Variants in FHIT observed in about 807,000 individuals in gnomAD.
The protein encoded by FHIT is fragile histidine triad diadenosine triphosphatase.
FHIT carries 19 observed loss-of-function variants against 17.9 expected under a neutral mutation model. That is an observed-to-expected ratio of 1.06 (90% CI 0.74 to 1.56). The LOEUF is 1.56. Ranked by LOEUF, FHIT falls within the 40% of genes most tolerant of loss-of-function variation. FHIT has a pLI of 0.00. For missense variants in FHIT, 248 were observed against 189.2 expected, an observed-to-expected ratio of 1.31 and a Z score of -1.82; for synonymous variants, 81 against 69.7, an observed-to-expected ratio of 1.16 and a Z score of -0.81.
At chr3:60,126,654 A>G (rs766358635) in intron 5 of FHIT, among the ~76,000 whole-genome samples, 39 of 152,210 alleles carry the variant, frequency 2.6e-4, no homozygotes, top group Admixed American at 9.8e-4. Flanking sequence ...CAGAACTCAG[A>G]TTCAAGCCAG....
At chr3:59,856,715 C>T (rs1342947453) in intron 8 of FHIT, among the ~76,000 whole-genome samples, 2 of 151,974 alleles carry the variant, frequency 1.3e-5, no homozygotes, top group Admixed American at 6.5e-5. Context: ...GACTCAGTTT[C>T]CTTCTTTGCA....
At chr3:60,883,134 T>A (rs1705050377) in intron 3 of FHIT, among the ~76,000 whole-genome samples, 1 of 151,866 alleles carries the variant, frequency 6.6e-6, no homozygotes, top group Non-Finnish European at 1.5e-5. Context: ...AAAGAAAATA[T>A]AAAATACCTA....
At chr3:60,076,579 C>T (rs553391433) in intron 5 of FHIT, among the ~76,000 whole-genome samples, 9 of 151,850 alleles carry the variant, frequency 5.9e-5, no homozygotes, top group Non-Finnish European at 1.2e-4. Context: ...CAAATGAGAT[C>T]AGAGGCATAC....
chr3:59,784,439 C>A (rs1444808608), intron 8 of FHIT, among the ~76,000 whole-genome samples: 3 of 152,196 alleles, frequency 2.0e-5, no homozygotes, highest in Non-Finnish European at 4.4e-5. Flanking sequence ...GATAAAATCC[C>A]AACTCCTTAA....
intron 8 of FHIT, among the ~76,000 whole-genome samples, 184 bp downstream of exon 8, chr3:59,922,162 A>T (rs1003987077): frequency 6.6e-6 from 1 of 152,160 alleles, no homozygotes; most frequent in Non-Finnish European, 1.5e-5. Flanking sequence ...CATTATAATT[A>T]ATTAGTCATG....
intron 7 of FHIT, among the ~76,000 whole-genome samples, chr3:59,989,843 C>T (rs2107468650): frequency 6.6e-6 from 1 of 152,152 alleles, no homozygotes; most frequent in African/African-American, 2.4e-5. Flanking sequence ...CTCCTCTCCA[C>T]AAATATCGGA....
intron 4 of FHIT, among the ~76,000 whole-genome samples, chr3:60,770,491 C>A (rs1553722782): frequency 6.6e-6 from 1 of 152,072 alleles, no homozygotes; most frequent in Non-Finnish European, 1.5e-5. Flanking sequence ...TCAGGCCACA[C>A]AAGACTTCAC....
chr3:60,717,558 G>T (rs2041713750), intron 4 of FHIT, among the ~76,000 whole-genome samples: 1 of 152,136 alleles, frequency 6.6e-6, no homozygotes, highest in Non-Finnish European at 1.5e-5. Context: ...AGCAGCGCAG[G>T]TTGTACACTG....
Position 60,391,199 on chromosome 3 carries a change from A to G in FHIT, c.103+145661T>C, listed in dbSNP as rs1045181706. 1.6e-4 allele frequency among the ~76,000 whole-genome samples: 5 copies of G among 30,852 alleles called. No homozygotes were observed. In the Admixed American group the frequency reaches 1.6e-3, roughly 10 times the overall value. The allele number at this position is 30,852 out of a possible 152,430, so 20.2% of individuals were successfully genotyped here. Reference sequence around the variant, plus strand: ...TGAGACCGTCTGACAAAACAAAACAAAAAACAAACAAACAAACAAACAAAA... The same window carrying G: ...TGAGACCGTCTGACAAAACAAAACAGAAAACAAACAAACAAACAAACAAAA... On this transcript the variant is annotated intron_variant, in intron 5 of 9. Transcript: ENST00000492590.
intron 8 of FHIT, among the ~76,000 whole-genome samples, chr3:59,919,968 A>C (rs1449758905): frequency 6.6e-6 from 1 of 152,218 alleles, no homozygotes; most frequent in African/African-American, 2.4e-5. Flanking sequence ...AAACATTTCC[A>C]TACAAAGAGG....
rs932515454 is a variant in FHIT, at chr3:60,379,875, C to T, written c.103+156985G>A. ...GTTGAAGAAAAAACAAAACACCTAC[C>T]TAAATATTCTTTGACCAGTAGTATC... On this transcript the variant is annotated intron_variant, in intron 5 of 9. Transcript: ENST00000492590. 2.0e-4 allele frequency among the ~76,000 whole-genome samples: 30 copies of T among 152,140 alleles called. 1 individual carries two copies. The highest frequency in any genetic ancestry group is 1.5e-5 in the Non-Finnish European group (1 of 68,038).
At chr3:60,782,237 G>GTGTGTGTATATATATATATA (rs1553725880) in intron 4 of FHIT, among the ~76,000 whole-genome samples, 20 of 95,532 alleles carry the variant, frequency 2.1e-4, no homozygotes, top group African/African-American at 6.7e-4. Flanking sequence ...GTGTGTGTGT[G>GTGTGTGTATATATATATATA]TATATATATA....
At chr3:59,986,530 T>TTTATATAAATATATAA (rs1559523567) in intron 7 of FHIT, among the ~76,000 whole-genome samples, 5 of 4,450 alleles carry the variant, frequency 1.1e-3, no homozygotes, top group African/African-American at 3.1e-3. Flanking sequence ...TATATATATA[T>TTTATATAAATATATAA]ATATATATAT....
intron 3 of FHIT, among the ~76,000 whole-genome samples, chr3:60,981,318 T>C (rs1710483593): frequency 6.7e-6 from 1 of 149,030 alleles, no homozygotes; most frequent in Admixed American, 6.7e-5. Context: ...TTTTCTTTTT[T>C]TTTTTTGACA....
chr3:59,889,000 A>G (rs1055922601), intron 8 of FHIT, among the ~76,000 whole-genome samples: 1 of 152,158 alleles, frequency 6.6e-6, no homozygotes, highest in Non-Finnish European at 1.5e-5. Flanking sequence ...TGATAACAAC[A>G]TCAATTCATT....
At chr3:59,898,969 T>C (rs908944958) in intron 8 of FHIT, among the ~76,000 whole-genome samples, 1 of 152,130 alleles carries the variant, frequency 6.6e-6, no homozygotes, top group Non-Finnish European at 1.5e-5. Flanking sequence ...GATAGTGAGA[T>C]GCTAAGGGGC....
chr3:60,226,646 G>A (rs1704220020), intron 5 of FHIT, among the ~76,000 whole-genome samples: 1 of 152,096 alleles, frequency 6.6e-6, no homozygotes, highest in Non-Finnish European at 1.5e-5. Context: ...AGCATGGAGG[G>A]AAAACAACAG....
chr3:61,238,717 TTTTAA>T (rs1469302688), intron 1 of FHIT, among the ~76,000 whole-genome samples: 1 of 152,200 alleles, frequency 6.6e-6, no homozygotes, highest in Non-Finnish European at 1.5e-5. Flanking sequence ...TTCAAGCTCT[TTTTAA>T]AAATCTCTTG....
intron 8 of FHIT, among the ~76,000 whole-genome samples, chr3:59,894,714 G>A (rs185694406): frequency 6.6e-6 from 1 of 152,134 alleles, no homozygotes; most frequent in African/African-American, 2.4e-5. Context: ...TATTTTCAGG[G>A]CATTGCAAAG....
Sources: gnomAD v4.1 joint callset for allele counts (sites outside exome capture counted in the v4.1 genomes callset) on GRCh38, gnomAD v4.1.1 for gene constraint, MANE v1.5 for transcripts, NCBI Gene and HGNC (gene_info 2026-07-23, HGNC 2026-07-21) for gene names.